EPS8: variants seen among roughly 807,000 people sequenced by gnomAD.
EPS8 encodes the protein EGFR pathway substrate 8, signaling adaptor.
In EPS8, 42 loss-of-function variants were observed where a neutral mutation model predicts 103.8. The observed-to-expected ratio is 0.40, with a 90% CI of 0.32 to 0.52. The LOEUF (loss-of-function observed/expected upper bound fraction) is 0.52, where lower values mean the gene tolerates loss of function less well. Among genes scored for constraint, EPS8 ranks in the 20% least tolerant of loss-of-function variants. The pLI is 0.40. For synonymous variants in EPS8, 344 were observed against 344.6 expected (o/e 1.00, Z 0.02); for missense variants, 969 against 1,005.1 (o/e 0.96, Z 0.49).
chr12:15,678,087 T>C (rs185823760), intron 3 of EPS8, among the ~76,000 whole-genome samples: 8 of 152,290 alleles, frequency 5.3e-5, no homozygotes, highest in Non-Finnish European at 7.4e-5. Context: ...TGTTATATCA[T>C]GCATACTTCT....
Position 15,641,751 on chromosome 12 carries a change from G to C in EPS8, c.1648C>G (p.Leu550Val). 1 of 1,587,690 alleles carries C rather than the reference G, an allele frequency of 6.3e-7. No homozygotes were observed. The highest frequency in any genetic ancestry group is 8.6e-7 in the Non-Finnish European group (1 of 1,164,122). Reference protein sequence around the residue: ...YDFVARNNSELSVLKDDILEI... With the variant: ...YDFVARNNSEVSVLKDDILEI... ...AAAATATCATCCTTTAGAACCGAGA[G>C]CTCACTGTTGTTCCTTGCTACAAAG... The change falls in exon 16 of 21, where the codon CTC becomes GTC. Residue 550 changes from leucine (L) to valine (V), a missense_variant. Physicochemically the swap from Leu to Val is conservative, Grantham distance 32. Transcript: ENST00000281172.
Position 15,684,727 on chromosome 12 carries a change from T to C in EPS8, c.-21-1755A>G, listed in dbSNP as rs1011382732. 2.0e-5 allele frequency among the ~76,000 whole-genome samples: 3 copies of C among 152,150 alleles called. No homozygotes were observed. The highest frequency in any genetic ancestry group is 7.2e-5 in the African/African-American group (3 of 41,434). On this transcript the variant is annotated intron_variant, in intron 1 of 20. Coordinates refer to ENST00000281172, the MANE Select transcript of EPS8 (RefSeq NM_004447.6). This position sits in a 1 kb window ranked among gnomAD's most constrained non-coding sequence, Gnocchi z 4.9. The stretch of plus-strand genomic sequence containing the variant: ...TGGAAGGGCTGGGACTTGACCTAGT[T>C]CTTAAAAAAATGGGTAAGAATGGCC...
At chr12:15,775,958 T>C (rs1406453356) in intron 1 of EPS8, among the ~76,000 whole-genome samples, 5 of 152,168 alleles carry the variant, frequency 3.3e-5, no homozygotes, top group Non-Finnish European at 7.4e-5. Flanking sequence ...TCCTATCTCA[T>C]ATATGCGTAT....
chr12:15,724,682 C>T (rs983849392), intron 1 of EPS8, among the ~76,000 whole-genome samples: 1 of 152,190 alleles, frequency 6.6e-6, no homozygotes, highest in African/African-American at 2.4e-5. Flanking sequence ...CAGTGTCCTC[C>T]ATACTGTTTT....
At chr12:15,666,215 G>C (rs181814871) in intron 7 of EPS8, among the ~76,000 whole-genome samples, 2 of 152,248 alleles carry the variant, frequency 1.3e-5, no homozygotes, top group East Asian at 3.9e-4. Context: ...ATGACTCTGT[G>C]ACTTCCAACA....
intron 1 of EPS8, among the ~76,000 whole-genome samples, chr12:15,744,291 T>C (rs367740024): frequency 6.6e-6 from 1 of 152,310 alleles, no homozygotes; most frequent in East Asian, 1.9e-4. Context: ...GCTGGTCTCT[T>C]CCTTCCTCTT....
chr12:15,680,549 T>G (rs899609181), intron 3 of EPS8, among the ~76,000 whole-genome samples: 1 of 152,178 alleles, frequency 6.6e-6, no homozygotes. Context: ...CTAGGAAGTC[T>G]GGTTCCAGAG....
In EPS8 at chr12:15,682,390, A is replaced by G. The variant is rs185153474; in HGVS notation, c.59+503T>C. Among the ~76,000 whole-genome samples, 715 of 152,348 alleles carry G rather than the reference A, an allele frequency of 4.7e-3. 3 individuals are homozygous for G. Among genetic ancestry groups the G allele is most frequent in the African/African-American group, 0.016 (666 of 41,578 alleles). ...TAACATTAATCGTAATACATAAGACAATGGCCAATTAAGTCAGGGTTATGA... is the reference window on the plus strand; with the variant it reads ...TAACATTAATCGTAATACATAAGACGATGGCCAATTAAGTCAGGGTTATGA... On this transcript the variant is annotated intron_variant, in intron 2 of 20. Coordinates refer to ENST00000281172, the MANE Select transcript of EPS8 (RefSeq NM_004447.6).
chr12:15,638,721 G>A (rs1418130552), intron 17 of EPS8, among the ~76,000 whole-genome samples: 2 of 152,158 alleles, frequency 1.3e-5, no homozygotes, highest in African/African-American at 4.8e-5. Context: ...CTTGGGTTGT[G>A]CCAAAGTTGA....
In EPS8 at chr12:15,698,373, A is replaced by T. The variant is rs1946268234; in HGVS notation, c.-21-15401T>A. Among the ~76,000 whole-genome samples the T allele has an allele frequency of 6.6e-6, 1 of 152,088 alleles. No homozygotes were observed. The highest frequency in any genetic ancestry group is 2.4e-5 in the African/African-American group (1 of 41,406). On this transcript the variant is annotated intron_variant, in intron 1 of 20. Transcript: ENST00000281172. This position sits in a 1 kb window ranked among gnomAD's most constrained non-coding sequence, Gnocchi z 4.9. ...TCAGCAGCTCTAGCTTCTAACGAGA[A>T]CTACTCAAGGAAAAGAACAAGCAGT... is the stretch of plus-strand genomic sequence containing the variant.
At chr12:15,768,012 T>C (rs1001754058) in intron 1 of EPS8, among the ~76,000 whole-genome samples, 8 of 152,218 alleles carry the variant, frequency 5.3e-5, no homozygotes, top group Admixed American at 1.3e-4. Context: ...AGTTAAGAAT[T>C]AACCTAAGTA....
In EPS8 at chr12:15,698,449, G is replaced by A. The variant is rs1946269336; in HGVS notation, c.-21-15477C>T. Among the ~76,000 whole-genome samples, 1 of 151,754 alleles carries A rather than the reference G, an allele frequency of 6.6e-6. No individual in the cohort carries two copies. The highest frequency in any genetic ancestry group is 2.4e-5 in the African/African-American group (1 of 41,292). On this transcript the variant is annotated intron_variant, in intron 1 of 20. Coordinates refer to ENST00000281172, the MANE Select transcript of EPS8 (RefSeq NM_004447.6). The surrounding 1 kb of genome is among the most constrained non-coding windows in gnomAD (Gnocchi z 4.9). Reference sequence around the variant, plus strand: ...TCTTTAAGTTAACCTCATCCACACAGTAAACAGACATCTCTCTCCTCCAGC... The same window carrying A: ...TCTTTAAGTTAACCTCATCCACACAATAAACAGACATCTCTCTCCTCCAGC...
At chr12:15,743,486 G>A (rs1946845305) in intron 1 of EPS8, among the ~76,000 whole-genome samples, 1 of 152,298 alleles carries the variant, frequency 6.6e-6, no homozygotes, top group East Asian at 1.9e-4. Flanking sequence ...CAAAGCTGGA[G>A]GCTCACGCTA....
intron 14 of EPS8, among the ~76,000 whole-genome samples, chr12:15,648,251 T>C (rs967629290): frequency 2.6e-5 from 4 of 152,234 alleles, no homozygotes; most frequent in African/African-American, 9.6e-5. Context: ...CTTTACTTTG[T>C]TTCTTTATAT....
At chr12:15,708,571 G>A (rs994868736) in intron 1 of EPS8, among the ~76,000 whole-genome samples, 2 of 152,210 alleles carry the variant, frequency 1.3e-5, no homozygotes, top group African/African-American at 4.8e-5. Flanking sequence ...ATGTGTGCAT[G>A]TACACTTTGT....
chr12:15,665,949 A>G (rs191989390), intron 7 of EPS8, 57 bp from the exon 8 acceptor site: 48 of 1,535,138 alleles, frequency 3.1e-5, no homozygotes, highest in Non-Finnish European at 6.2e-6. Flanking sequence ...TAACATATCA[A>G]TTAACTCAAC....
chr12:15,647,265 A>T lies in EPS8; in HGVS notation c.1435-5T>A, dbSNP rs1945336334. On this transcript the variant is annotated splice_polypyrimidine_tract_variant and splice_region_variant and intron_variant, in intron 14 of 20. Transcript: ENST00000281172. ...ATACTCTGATACACTGGAATGCTGAAAGACAAAGTGGGGCAGATTAAAGAA... is the reference window on the plus strand; with the variant it reads ...ATACTCTGATACACTGGAATGCTGATAGACAAAGTGGGGCAGATTAAAGAA... 6.2e-7 allele frequency: 1 copy of T among 1,610,154 alleles called. No individual in the cohort carries two copies. The highest frequency in any genetic ancestry group is 8.5e-7 in the Non-Finnish European group (1 of 1,178,326).
At chr12:15,651,795 C>A (rs1333309293) in intron 13 of EPS8, among the ~76,000 whole-genome samples, 1 of 152,160 alleles carries the variant, frequency 6.6e-6, no homozygotes, top group African/African-American at 2.4e-5. Context: ...TTGTTATAGA[C>A]TTTCATGGTT....
intron 18 of EPS8, among the ~76,000 whole-genome samples, chr12:15,628,537 A>C (rs1944988245): frequency 6.6e-6 from 1 of 152,216 alleles, no homozygotes; most frequent in Non-Finnish European, 1.5e-5. Context: ...AAAGCAACTA[A>C]AGTTTGGCAT....
Sources: gnomAD v4.1 joint callset for allele counts (sites outside exome capture counted in the v4.1 genomes callset) on GRCh38, gnomAD v4.1.1 for gene constraint, Gnocchi (gnomAD v3.1) non-coding constraint, MANE v1.5 for transcripts, NCBI Gene and HGNC (gene_info 2026-07-23, HGNC 2026-07-21) for gene names.